STK32B: variants seen among roughly 807,000 people sequenced by gnomAD.
STK32B encodes serine/threonine kinase 32B.
In STK32B, 43 loss-of-function variants were observed where a neutral mutation model predicts 52.6. That is an observed-to-expected ratio of 0.82 (90% CI 0.64 to 1.05). The LOEUF is 1.05. Ranked by LOEUF, STK32B falls within the 50% of genes least tolerant of loss-of-function variation. The pLI, the probability that STK32B is intolerant of heterozygous loss-of-function variation, is 0.00. For missense variants in STK32B, 621 were observed against 534.6 expected (o/e 1.16, Z -1.59); for synonymous variants, 238 against 204.3 (o/e 1.17, Z -1.41).
Position 5,396,043 on chromosome 4 carries a change from C to G in STK32B, c.435-2164C>G, listed in dbSNP as rs976900149. On this transcript the variant is annotated intron_variant, in intron 4 of 11. Coordinates refer to ENST00000282908, the MANE Select transcript of STK32B (RefSeq NM_018401.3). This position sits in a 1 kb window ranked among gnomAD's most constrained non-coding sequence, Gnocchi z 4.7. ...GCTGCCCTTTGAGGTTTGCCCTCAA[C>G]TCTATCAGCTCTCCTTCCACCGTGC... is the stretch of plus-strand genomic sequence containing the variant. Among the ~76,000 whole-genome samples, 1 of 152,248 alleles carries G rather than the reference C, an allele frequency of 6.6e-6. No individual in the cohort carries two copies. Among genetic ancestry groups the G allele is most frequent in the African/African-American group, 2.4e-5 (1 of 41,472 alleles).
chr4:5,346,403 T>A (rs995494755), intron 4 of STK32B, among the ~76,000 whole-genome samples: 2 of 152,310 alleles, frequency 1.3e-5, no homozygotes, highest in Non-Finnish European at 1.5e-5. Context: ...CCTCTCTGGG[T>A]CCAAGTCTGG....
At chr4:5,438,851 T>C (rs888979704) in intron 6 of STK32B, among the ~76,000 whole-genome samples, 4 of 152,006 alleles carry the variant, frequency 2.6e-5, no homozygotes, top group Admixed American at 2.6e-4. Context: ...CAATATGCGG[T>C]GTTTGGTTTT....
rs1224705419 is a variant in STK32B at position 5,159,620 on chromosome 4, AATATATATGAAT to A, written c.109-8666_109-8655del. On this transcript the variant is annotated intron_variant, in intron 2 of 11. Transcript: ENST00000282908. The stretch of plus-strand genomic sequence containing the variant: ...ATGAATATATATATGAATATATATG[AATATATATGAAT>A]ATATATATGAATGTATATGAATATA... Among the ~76,000 whole-genome samples the A allele has an allele frequency of 4.8e-5, 5 of 104,616 alleles. 1 individual carries two copies. Among genetic ancestry groups the A allele is most frequent in the East Asian group, 2.6e-4 (1 of 3,912 alleles). 68.6% of individuals were successfully genotyped at this position (104,616 alleles called of 152,430 possible).
intron 1 of STK32B, among the ~76,000 whole-genome samples, chr4:5,101,216 T>A (rs571759228): frequency 6.6e-6 from 1 of 152,146 alleles, no homozygotes; most frequent in Non-Finnish European, 1.5e-5. Context: ...GGACAAGATT[T>A]TTTTCAGCCC....
intron 4 of STK32B, among the ~76,000 whole-genome samples, chr4:5,357,654 C>T (rs891471854): frequency 7.7e-6 from 1 of 129,930 alleles, no homozygotes; most frequent in African/African-American, 3.2e-5. Context: ...GACATCTGGC[C>T]ATAAGAATCA....
At chr4:5,164,744 C>T (rs1560190337) in intron 2 of STK32B, among the ~76,000 whole-genome samples, 1 of 152,158 alleles carries the variant, frequency 6.6e-6, no homozygotes, top group Admixed American at 6.6e-5. Flanking sequence ...ACACAGCAAA[C>T]AGCTGGAATT....
intron 9 of STK32B, among the ~76,000 whole-genome samples, chr4:5,461,183 G>A (rs963494939): frequency 6.6e-6 from 1 of 152,176 alleles, no homozygotes. Context: ...TGTGACCTAG[G>A]AGAGCACACC....
chr4:5,257,882 T>C (rs1463786877), intron 3 of STK32B, among the ~76,000 whole-genome samples: 1 of 152,064 alleles, frequency 6.6e-6, no homozygotes, highest in African/African-American at 2.4e-5. Context: ...GGCAGAAGTT[T>C]CAGTGAGCCA....
chr4:5,207,296 C>T (rs755104336), intron 3 of STK32B, among the ~76,000 whole-genome samples: 45 of 152,224 alleles, frequency 3.0e-4, no homozygotes, highest in Admixed American at 1.1e-3. Flanking sequence ...TGTCATGAGA[C>T]GGACTCAGTG....
chr4:5,340,327 A>C (rs950496897), intron 4 of STK32B, among the ~76,000 whole-genome samples: 12 of 152,174 alleles, frequency 7.9e-5, no homozygotes, highest in Non-Finnish European at 1.5e-4. Flanking sequence ...GCAGGGGCCG[A>C]GTTGGCAAGT....
At chr4:5,086,294 A>G (rs968441308) in intron 1 of STK32B, among the ~76,000 whole-genome samples, 6 of 152,182 alleles carry the variant, frequency 3.9e-5, no homozygotes, top group African/African-American at 1.2e-4. Flanking sequence ...GCTGTCAACT[A>G]TCTGGCTGAG....
chr4:5,044,471 C>T, the STK32B span, among the ~76,000 whole-genome samples: 2 of 152,172 alleles, frequency 1.3e-5, no homozygotes, highest in African/African-American at 4.8e-5. Context: ...ACACAGGGAT[C>T]CAGCCCCACC....
At chr4:5,228,407 C>G (rs1471155402) in intron 3 of STK32B, among the ~76,000 whole-genome samples, 2 of 152,252 alleles carry the variant, frequency 1.3e-5, no homozygotes, top group East Asian at 1.9e-4. Flanking sequence ...GGGACACCCA[C>G]ATAAGGCTTC....
At chr4:5,278,988 C>T (rs1242468655) in intron 3 of STK32B, among the ~76,000 whole-genome samples, 2 of 152,168 alleles carry the variant, frequency 1.3e-5, no homozygotes, top group Admixed American at 6.5e-5. Flanking sequence ...TACCCCAACA[C>T]TGACAATTAC....
chr4:5,328,212 A>G (rs1732002409), intron 3 of STK32B, among the ~76,000 whole-genome samples: 2 of 152,238 alleles, frequency 1.3e-5, no homozygotes, highest in Non-Finnish European at 1.5e-5. Flanking sequence ...CCTATCAGCA[A>G]TAAGGCTGTT....
At chr4:5,154,461 A>G (rs1717630118) in intron 2 of STK32B, among the ~76,000 whole-genome samples, 1 of 152,076 alleles carries the variant, frequency 6.6e-6, no homozygotes, top group Non-Finnish European at 1.5e-5. Context: ...GTGATCCACC[A>G]GCCTCAGCCT....
chr4:5,463,954 G>A (rs1003265626), intron 9 of STK32B, among the ~76,000 whole-genome samples: 1 of 152,214 alleles, frequency 6.6e-6, no homozygotes, highest in African/African-American at 2.4e-5. Flanking sequence ...TTATAAAGAA[G>A]AGAGGCTTAA....
At chr4:5,311,828 T>C (rs1234577682) in intron 3 of STK32B, among the ~76,000 whole-genome samples, 7 of 151,980 alleles carry the variant, frequency 4.6e-5, no homozygotes, top group Non-Finnish European at 1.0e-4. Flanking sequence ...AAGAGAATTC[T>C]ATCAAACGTT....
intron 8 of STK32B, among the ~76,000 whole-genome samples, chr4:5,459,295 A>ATG (rs1253686792): frequency 2.3e-5 from 3 of 128,246 alleles, no homozygotes; most frequent in Non-Finnish European, 5.1e-5. Context: ...CCCCCCCCCC[A>ATG]CCTTTCTAAG....
Sources: gnomAD v4.1 joint callset for allele counts (sites outside exome capture counted in the v4.1 genomes callset) on GRCh38, gnomAD v4.1.1 for gene constraint, Gnocchi (gnomAD v3.1) non-coding constraint, MANE v1.5 for transcripts, NCBI Gene and HGNC (gene_info 2026-07-23, HGNC 2026-07-21) for gene names.